ALKBH8: variants seen among roughly 807,000 people sequenced by gnomAD.
ALKBH8 encodes the protein alkB homolog 8, tRNA methyltransferase.
In ALKBH8, 36 loss-of-function variants were observed where a neutral mutation model predicts 59.8. That is an observed-to-expected ratio of 0.60 (90% CI 0.46 to 0.79). ALKBH8 has a LOEUF of 0.79. Ranked by LOEUF, ALKBH8 falls within the 30% of genes least tolerant of loss-of-function variation. The pLI, the probability that ALKBH8 is intolerant of heterozygous loss-of-function variation, is 0.00. For synonymous variants in ALKBH8, 276 were observed against 273.6 expected, an observed-to-expected ratio of 1.01 and a Z score of -0.09; for missense variants, 768 against 801.0, an observed-to-expected ratio of 0.96 and a Z score of 0.50.
intron 11 of ALKBH8, among the ~76,000 whole-genome samples, chr11:107,508,655 A>G (rs1325483190): frequency 1.3e-5 from 2 of 152,198 alleles, no homozygotes; most frequent in Admixed American, 6.5e-5. Flanking sequence ...CAATTAAATC[A>G]TAGCAACTCC....
chr11:107,562,233 AG>A (rs1264650943), intron 1 of ALKBH8, among the ~76,000 whole-genome samples: 1 of 151,072 alleles, frequency 6.6e-6, no homozygotes, highest in Non-Finnish European at 1.5e-5. Context: ...CGGGAGGCAG[AG>A]GTTGCAGTGA....
At chr11:107,549,571 G>T (rs2135566977) in intron 7 of ALKBH8, among the ~76,000 whole-genome samples, 182 bp downstream of exon 7, 1 of 152,272 alleles carries the variant, frequency 6.6e-6, no homozygotes, top group East Asian at 1.9e-4. Context: ...CTGATGAGGT[G>T]ACAGATAAAA....
chr11:107,553,062 T>C, intron 5 of ALKBH8, 46 bp downstream of exon 5: 1 of 1,168,064 alleles, frequency 8.6e-7, no homozygotes, highest in South Asian at 1.4e-5. Flanking sequence ...TACTAATATA[T>C]TAATATTTTT....
rs150004220 is a variant in ALKBH8 at position 107,510,454 on chromosome 11, C to A, written c.1437+433G>T. On this transcript the variant is annotated intron_variant, in intron 11 of 11. Coordinates refer to ENST00000428149, the MANE Select transcript of ALKBH8 (RefSeq NM_138775.3). ...CAGAATGGGAAAGAAGTAACACTCA[C>A]ATGTCAGGGATAAAACTATGGGTTG... 8.4e-3 allele frequency among the ~76,000 whole-genome samples: 1,283 copies of A among 152,038 alleles called. 22 individuals carry two copies. The highest frequency in any genetic ancestry group is 0.029 in the African/African-American group (1,214 of 41,490).
intron 10 of ALKBH8, among the ~76,000 whole-genome samples, chr11:107,520,661 T>G (rs1429147851): frequency 2.0e-5 from 3 of 152,224 alleles, no homozygotes; most frequent in Non-Finnish European, 4.4e-5. Context: ...ATCTATTTCC[T>G]CTTCAACATG....
At chr11:107,559,785 C>G (rs1864864068) in intron 2 of ALKBH8, among the ~76,000 whole-genome samples, 1 of 152,152 alleles carries the variant, frequency 6.6e-6, no homozygotes, top group African/African-American at 2.4e-5. Context: ...TGTGCCTCAA[C>G]AGACTGCTCA....
At chr11:107,519,927 A>G (rs1863035854) in intron 10 of ALKBH8, among the ~76,000 whole-genome samples, 1 of 152,252 alleles carries the variant, frequency 6.6e-6, no homozygotes, top group Non-Finnish European at 1.5e-5. Flanking sequence ...TGAGAATCAA[A>G]TGAAATGATC....
intron 10 of ALKBH8, among the ~76,000 whole-genome samples, chr11:107,521,664 G>A (rs992305711): frequency 2.6e-5 from 4 of 151,926 alleles, no homozygotes; most frequent in Non-Finnish European, 5.9e-5. Flanking sequence ...GAAAAAAAAT[G>A]GCTCATAGAA....
At chr11:107,556,442 T>C (rs1293990514) in intron 3 of ALKBH8, among the ~76,000 whole-genome samples, 2 of 152,172 alleles carry the variant, frequency 1.3e-5, no homozygotes, top group Admixed American at 6.5e-5. Context: ...TGAAATAAAC[T>C]AGTAATGCAA....
intron 10 of ALKBH8, among the ~76,000 whole-genome samples, chr11:107,515,579 A>G (rs1365941705): frequency 6.6e-6 from 1 of 151,694 alleles, no homozygotes; most frequent in Non-Finnish European, 1.5e-5. Flanking sequence ...CTGGTCTCCA[A>G]CTCTTGGTCT....
chr11:107,538,782 C>T (rs979773503), intron 7 of ALKBH8, among the ~76,000 whole-genome samples: 4 of 152,180 alleles, frequency 2.6e-5, no homozygotes, highest in African/African-American at 9.7e-5. Flanking sequence ...CTACTGGGAA[C>T]ACTTCTGAGA....
At chr11:107,525,708 T>C in intron 8 of ALKBH8, 116 bp from the exon 9 acceptor site, 1 of 682,194 alleles carries the variant, frequency 1.5e-6, no homozygotes. Flanking sequence ...AAATATCTAT[T>C]GGATTCCCTG....
chr11:107,522,338 A>AC lies in ALKBH8; in HGVS notation c.1247dup (p.Asn417Ter), dbSNP rs1333730951. On this transcript the variant is annotated frameshift_variant, in exon 10 of 12. Transcript: ENST00000428149. LOFTEE classifies it high-confidence loss of function. ...TATTGATGCCAAGATACTTTCCATT[A>AC]CCACATCCAATATCAGCCACTATTG... 1 of 1,551,692 alleles carries AC rather than the reference A, an allele frequency of 6.4e-7. No individual in the cohort carries two copies. The highest frequency in any genetic ancestry group is 1.4e-5 in the African/African-American group (1 of 73,166).
intron 11 of ALKBH8, among the ~76,000 whole-genome samples, chr11:107,506,062 A>T (rs1362943255): frequency 6.6e-6 from 1 of 152,244 alleles, no homozygotes; most frequent in African/African-American, 2.4e-5. Context: ...AAAATGCTAA[A>T]CAAAAATTTT....
At chr11:107,555,866 C>T (rs905916305) in intron 3 of ALKBH8, among the ~76,000 whole-genome samples, 6 of 152,176 alleles carry the variant, frequency 3.9e-5, no homozygotes, top group African/African-American at 1.4e-4. Flanking sequence ...TAAAGCTATA[C>T]TTATTTAATT....
chr11:107,562,155 C>T (rs1287708774), intron 1 of ALKBH8, among the ~76,000 whole-genome samples: 1 of 151,892 alleles, frequency 6.6e-6, no homozygotes, highest in Non-Finnish European at 1.5e-5. Flanking sequence ...AAAAATTAGC[C>T]ACGTGTGGTG....
intron 6 of ALKBH8, among the ~76,000 whole-genome samples, chr11:107,551,588 G>A (rs944656591): frequency 6.6e-6 from 1 of 151,508 alleles, no homozygotes; most frequent in African/African-American, 2.4e-5. Context: ...CAGCTACTTG[G>A]GAAGCTGAGG....
chr11:107,561,086 A>G (rs1028385061), intron 1 of ALKBH8, among the ~76,000 whole-genome samples, 187 bp from the exon 2 acceptor site: 1 of 152,208 alleles, frequency 6.6e-6, no homozygotes, highest in Admixed American at 6.5e-5. Flanking sequence ...AATATCTAAG[A>G]ATATCTAATA....
chr11:107,522,589 T>A (rs1448277288), intron 9 of ALKBH8, 34 bp from the exon 10 acceptor site: 4 of 1,532,168 alleles, frequency 2.6e-6, no homozygotes, highest in Non-Finnish European at 3.5e-6. Context: ...CTTTCCTTTT[T>A]ATCAGAATAA....
Sources: allele counts gnomAD v4.1 joint callset (sites outside exome capture counted in the v4.1 genomes callset), GRCh38; gene constraint gnomAD v4.1.1; transcripts MANE v1.5; gene names NCBI Gene and HGNC (gene_info 2026-07-23, HGNC 2026-07-21).